Variants in SIM2 observed in about 807,000 individuals in gnomAD.
SIM2 encodes the protein SIM bHLH transcription factor 2.
SIM2 carries 28 observed loss-of-function variants against 64.8 expected under a neutral mutation model. That is an observed-to-expected ratio of 0.43 (90% CI 0.32 to 0.59). SIM2 has a LOEUF of 0.59. SIM2 is among the 20% of genes least tolerant of loss of function. The pLI, the probability that SIM2 is intolerant of heterozygous loss-of-function variation, is 0.07. For synonymous variants in SIM2, 408 were observed against 391.1 expected (o/e 1.04, Z -0.51); for missense variants, 847 against 871.4 (o/e 0.97, Z 0.35).
intron 8 of SIM2, among the ~76,000 whole-genome samples, chr21:36,742,618 T>C (rs75576810): frequency 0.012 from 1,797 of 152,192 alleles, 39 homozygotes; most frequent in African/African-American, 0.04. Flanking sequence ...GGCCATATAT[T>C]ACTTTCCACC....
chr21:36,720,913 A>T (rs540636824), intron 4 of SIM2, among the ~76,000 whole-genome samples: 65 of 152,334 alleles, frequency 4.3e-4, no homozygotes, highest in Non-Finnish European at 7.3e-4. Flanking sequence ...CTTGGCCAGA[A>T]TACCCCAGTG....
rs1281252154 is a variant in SIM2 at position 36,743,550 on chromosome 21, C to G, written c.1162C>G (p.Pro388Ala). The G allele has an allele frequency of 1.2e-6, 2 of 1,613,290 alleles. No homozygotes were observed. The highest frequency in any genetic ancestry group is 1.7e-5 in the Admixed American group (1 of 59,978). ...AAAGCTGAGAACAAACCCTTACCCC[C>G]CACAGGTAACACGCATGTCCTGCAG... ...KTKLRTNPYP[P>A]QQYSSFQMDK... Residue 388 changes from proline (P) to alanine (A), a missense_variant, in exon 9 of 11, where the codon CCA becomes GCA. Around this residue, in one of 3 missense-constraint regions of SIM2, gnomAD observed 447 missense variants for 414.6 expected, o/e 1.08. Transcript: ENST00000290399.
At chr21:36,702,007 C>A (rs1398250798) in intron 1 of SIM2, among the ~76,000 whole-genome samples, 1 of 152,144 alleles carries the variant, frequency 6.6e-6, no homozygotes, top group Non-Finnish European at 1.5e-5. Context: ...AAGGGAGGGC[C>A]GAGAAGACAC....
intron 7 of SIM2, among the ~76,000 whole-genome samples, chr21:36,740,611 G>A (rs2089147838): frequency 2.0e-5 from 3 of 152,206 alleles, no homozygotes; most frequent in Non-Finnish European, 4.4e-5. Context: ...AACCGTAAAG[G>A]GCCACAGACA....
rs2088455180 is a variant in SIM2 at position 36,699,667 on chromosome 21, C to T, written c.-80C>T. On this transcript the variant is annotated 5_prime_UTR_variant, in exon 1 of 11. Transcript: ENST00000290399. The surrounding 1 kb of genome is among the most constrained non-coding windows in gnomAD (Gnocchi z 5.6). The stretch of plus-strand genomic sequence containing the variant: ...ACCTGGCTCCCGGCTCCCCCTTCCC[C>T]ATCCCCGCCGCCGCAGCCCGAGCGG... 6.6e-7 allele frequency: 1 copy of T among 1,509,016 alleles called. No homozygotes were observed. Among genetic ancestry groups the T allele is most frequent in the Admixed American group, 2.0e-5 (1 of 49,338 alleles). 93.5% of individuals were successfully genotyped at this position (1,509,016 alleles called of 1,614,324 possible).
At chr21:36,707,661 C>G in intron 1 of SIM2, among the ~76,000 whole-genome samples, 1 of 151,898 alleles carries the variant, frequency 6.6e-6, no homozygotes, top group East Asian at 1.9e-4. Context: ...TGCCCTGGGC[C>G]GAGGTGCATT....
intron 7 of SIM2, among the ~76,000 whole-genome samples, chr21:36,739,933 A>G (rs1417573215): frequency 6.7e-6 from 1 of 150,082 alleles, no homozygotes; most frequent in Non-Finnish European, 1.5e-5. Flanking sequence ...ATGCCACTGC[A>G]CTCCAGCCTG....
chr21:36,713,349 A>G (rs1341967342), intron 3 of SIM2, among the ~76,000 whole-genome samples: 2 of 152,172 alleles, frequency 1.3e-5, no homozygotes, highest in African/African-American at 2.4e-5. Context: ...CAAGGGTTTG[A>G]TGGGGGATTT....
At chr21:36,708,944 C>G (rs946971586) in intron 1 of SIM2, among the ~76,000 whole-genome samples, 6 of 152,238 alleles carry the variant, frequency 3.9e-5, no homozygotes, top group East Asian at 3.9e-4. Flanking sequence ...CCCGGGCTGC[C>G]GGCCGCTGCG....
chr21:36,717,063 C>T (rs112188660), intron 3 of SIM2, among the ~76,000 whole-genome samples: 1 of 152,146 alleles, frequency 6.6e-6, no homozygotes, highest in Non-Finnish European at 1.5e-5. Flanking sequence ...TTTTCCCGTT[C>T]GTTTTGTCAC....
At chr21:36,730,948 C>A (rs913683764) in intron 6 of SIM2, 97 bp from the exon 7 acceptor site, 35 of 822,640 alleles carry the variant, frequency 4.3e-5, no homozygotes, top group Non-Finnish European at 6.7e-5. Context: ...CCCGCCTGAG[C>A]CTTTTAGCAC....
chr21:36,710,233 A>G (rs1341290394), intron 2 of SIM2: 1 of 152,254 alleles, frequency 6.6e-6, no homozygotes. Flanking sequence ...CTAGCTCTAG[A>G]GCCCACCCGG....
chr21:36,719,792 G>A (rs201766206), intron 3 of SIM2, 29 bp from the exon 4 acceptor site: 3 of 1,372,080 alleles, frequency 2.2e-6, no homozygotes, highest in East Asian at 2.3e-5. Context: ...AGAGGCGGTG[G>A]CATTTCTGAC....
rs140462434 is a variant in SIM2 at position 36,743,367 on chromosome 21, G to C, written c.999-20G>C. On this transcript the variant is annotated intron_variant, in intron 8 of 10. Coordinates refer to ENST00000290399, the MANE Select transcript of SIM2 (RefSeq NM_005069.6). ...CTCCAGCGCCTGCTGGACATGACTC[G>C]GCCCACTCTCGCCTTCCAGGGAGAT... The C allele has an allele frequency of 5.0e-5, 80 of 1,601,852 alleles. 1 individual carries two copies. Among genetic ancestry groups the C allele is most frequent in the Non-Finnish European group, 5.0e-5 (59 of 1,175,026 alleles).
intron 9 of SIM2, 113 bp from the exon 10 acceptor site, chr21:36,744,615 T>G (rs1601061857): frequency 7.6e-7 from 1 of 1,320,518 alleles, no homozygotes; most frequent in Non-Finnish European, 1.0e-6. Context: ...GTGGCGAGGG[T>G]AGGGGCAGCC....
chr21:36,733,177 G>A (rs1410845689), intron 7 of SIM2, among the ~76,000 whole-genome samples: 1 of 152,180 alleles, frequency 6.6e-6, no homozygotes, highest in African/African-American at 2.4e-5. Flanking sequence ...GGGCTGAAAG[G>A]CAGGAAATTA....
intron 1 of SIM2, among the ~76,000 whole-genome samples, chr21:36,703,273 C>T (rs1045848506): frequency 6.6e-6 from 1 of 152,162 alleles, no homozygotes; most frequent in African/African-American, 2.4e-5. Flanking sequence ...AGTTCAAGGA[C>T]TTGGGGATGT....
chr21:36,726,392 T>C lies in SIM2; in HGVS notation c.743+74T>C, dbSNP rs2123464607. The C allele has an allele frequency of 1.4e-6, 2 of 1,380,050 alleles. No individual in the cohort carries two copies. Among genetic ancestry groups the C allele is most frequent in the South Asian group, 1.2e-5 (1 of 80,400 alleles). The allele number at this position is 1,380,050 out of a possible 1,614,324, so 85.5% of individuals were successfully genotyped here. A position where few individuals can be genotyped will look rare whatever the true frequency, so the allele number is the denominator to read the frequency against. ...GTGGTGGAAATGGGTCCCTGAAAGC[T>C]GCCATCTTGGCCAAATCATAACAAG... On this transcript the variant is annotated intron_variant, in intron 6 of 10. Coordinates refer to ENST00000290399, the MANE Select transcript of SIM2 (RefSeq NM_005069.6). This position sits in a 1 kb window ranked among gnomAD's most constrained non-coding sequence, Gnocchi z 4.5.
At chr21:36,717,994 G>A (rs1433490266) in intron 3 of SIM2, among the ~76,000 whole-genome samples, 2 of 152,212 alleles carry the variant, frequency 1.3e-5, no homozygotes, top group Admixed American at 1.3e-4. Context: ...TGTTGAGAAA[G>A]TGCCAGGCTT....
Sources: allele counts gnomAD v4.1 joint callset (sites outside exome capture counted in the v4.1 genomes callset), GRCh38; gene constraint gnomAD v4.1.1; regional missense constraint gnomAD v4.1.1; non-coding constraint Gnocchi (gnomAD v3.1); transcripts MANE v1.5; gene names NCBI Gene and HGNC (gene_info 2026-07-23, HGNC 2026-07-21).